ARID1B: variants seen among roughly 807,000 people sequenced by gnomAD.
ARID1B encodes AT-rich interaction domain 1B.
Under a neutral mutation model 212.3 loss-of-function variants are expected in ARID1B, and 30 were observed. That is an observed-to-expected ratio of 0.14 (90% CI 0.11 to 0.19). ARID1B has a LOEUF of 0.19. ARID1B is among the 10% of genes least tolerant of loss of function. The probability of loss-of-function intolerance (pLI) is 1.00; values close to 1 mark genes in which losing one functional copy is unlikely to be tolerated. For missense variants in ARID1B, 2,891 were observed against 3,204.0 expected (o/e 0.90, Z 2.36); for synonymous variants, 1,402 against 1,301.7 (o/e 1.08, Z -1.66).
chr6:157,074,516 TG>T (rs1403319739), intron 4 of ARID1B, among the ~76,000 whole-genome samples: 1 of 152,182 alleles, frequency 6.6e-6, no homozygotes, highest in Non-Finnish European at 1.5e-5. Context: ...TGAGACACCA[TG>T]CCCGGCCAAT....
At chr6:156,969,909 T>G (rs1776804969) in intron 4 of ARID1B, among the ~76,000 whole-genome samples, 2 of 118,504 alleles carry the variant, frequency 1.7e-5, no homozygotes, top group African/African-American at 6.6e-5. Context: ...TTTTTTTTTT[T>G]GCATTGACTG....
At chr6:157,130,752 A>T (rs561767499) in intron 6 of ARID1B, among the ~76,000 whole-genome samples, 1 of 152,196 alleles carries the variant, frequency 6.6e-6, no homozygotes, top group East Asian at 1.9e-4. Context: ...TAGATCTGGG[A>T]TTATCTTACC....
At position 157,166,876 on chromosome 6, in the gene ARID1B, A is replaced by G. The variant is rs971838111; in HGVS notation, c.3090-164A>G. 44 of 909,130 alleles carry G rather than the reference A, an allele frequency of 4.8e-5. 1 individual carries two copies. Among genetic ancestry groups the G allele is most frequent in the Non-Finnish European group, 6.9e-5 (43 of 619,776 alleles). The allele number at this position is 909,130 out of a possible 1,614,324, so 56.3% of individuals were successfully genotyped here. On this transcript the variant is annotated intron_variant, in intron 8 of 19. Coordinates refer to ENST00000636930, the MANE Select transcript of ARID1B (RefSeq NM_001374828.1). ...GGGGTGTATTAAAGAGTTACCTAGC[A>G]ATAGAATTCAGCCTTTCTCTCCAGG... is the stretch of plus-strand genomic sequence containing the variant.
chr6:156,809,798 T>C (rs1160460030), intron 1 of ARID1B, among the ~76,000 whole-genome samples: 1 of 151,078 alleles, frequency 6.6e-6, no homozygotes, highest in Admixed American at 6.6e-5. Context: ...GTCTGGTGGC[T>C]GAGGGCCACC....
intron 1 of ARID1B, among the ~76,000 whole-genome samples, chr6:156,816,732 C>T (rs11970153): frequency 0.045 from 6,774 of 152,188 alleles, 506 homozygotes; most frequent in African/African-American, 0.15. Flanking sequence ...GCTCAGGCAT[C>T]GGCTTGGTGG....
At chr6:157,184,507 G>T in intron 13 of ARID1B, 72 bp downstream of exon 13, 1 of 1,565,848 alleles carries the variant, frequency 6.4e-7, no homozygotes, top group East Asian at 2.3e-5. Flanking sequence ...CGGGAAGGTG[G>T]TTTCACAGTC....
chr6:156,905,382 C>G (rs1021193757), intron 3 of ARID1B, among the ~76,000 whole-genome samples: 1 of 152,082 alleles, frequency 6.6e-6, no homozygotes, highest in Non-Finnish European at 1.5e-5. Flanking sequence ...CTGATGAAGT[C>G]AAAGACAGCT....
At chr6:156,910,728 C>A (rs572716869) in intron 3 of ARID1B, among the ~76,000 whole-genome samples, 1 of 152,258 alleles carries the variant, frequency 6.6e-6, no homozygotes, top group East Asian at 1.9e-4. Context: ...CTGGTAGTTT[C>A]ATGTTTTCTA....
intron 1 of ARID1B, among the ~76,000 whole-genome samples, chr6:156,784,598 G>A (rs1001871431): frequency 6.6e-6 from 1 of 152,182 alleles, no homozygotes; most frequent in Admixed American, 6.5e-5. Context: ...TGAATGGAAT[G>A]ATAGACATAT....
chr6:156,832,293 C>CA (rs1461026495), intron 2 of ARID1B, among the ~76,000 whole-genome samples: 1 of 152,184 alleles, frequency 6.6e-6, no homozygotes, highest in African/African-American at 2.4e-5. Flanking sequence ...AGGGTCCTGG[C>CA]ACTGTGATTG....
At position 157,206,079 on chromosome 6, in the gene ARID1B, G is replaced by T. The variant is rs1685629527; in HGVS notation, c.5395-88G>T. On this transcript the variant is annotated intron_variant, in intron 19 of 19. Coordinates refer to ENST00000636930, the MANE Select transcript of ARID1B (RefSeq NM_001374828.1). The surrounding 1 kb of genome is among the most constrained non-coding windows in gnomAD (Gnocchi z 6.8). ...TGACAATGATGGAAAGGTATTGACG[G>T]GTCTCAGGATCTTTACCCTCCTCGG... 1 of 1,376,712 alleles carries T rather than the reference G, an allele frequency of 7.3e-7. No homozygotes were observed. Among genetic ancestry groups the T allele is most frequent in the African/African-American group, 1.4e-5 (1 of 69,262 alleles). The allele number at this position is 1,376,712 out of a possible 1,614,324, so 85.3% of individuals were successfully genotyped here. A position where few individuals can be genotyped will look rare whatever the true frequency, so the allele number is the denominator to read the frequency against.
intron 4 of ARID1B, among the ~76,000 whole-genome samples, chr6:157,081,988 C>CT (rs1205211926): frequency 6.6e-6 from 1 of 152,084 alleles, no homozygotes; most frequent in Non-Finnish European, 1.5e-5. Flanking sequence ...TGTTCTCTGA[C>CT]TGCCGCTTGT....
At chr6:156,795,134 G>GCT (rs1780274640) in intron 1 of ARID1B, among the ~76,000 whole-genome samples, 1 of 77,486 alleles carries the variant, frequency 1.3e-5, no homozygotes, top group South Asian at 3.0e-4. Flanking sequence ...CAGCCATTTA[G>GCT]AGGAAAGCCT....
intron 4 of ARID1B, among the ~76,000 whole-genome samples, chr6:157,013,894 G>A (rs927586945): frequency 6.6e-5 from 10 of 152,132 alleles, no homozygotes; most frequent in Admixed American, 6.5e-4. Flanking sequence ...TCTTATACTC[G>A]GTGCTTTGCT....
chr6:156,779,487 GC>G lies in ARID1B; in HGVS notation c.1791+18del. On this transcript the variant is annotated intron_variant, in intron 1 of 19. Coordinates refer to ENST00000636930, the MANE Select transcript of ARID1B (RefSeq NM_001374828.1). ...CAGATCCCAGGTAACCCTCGCGCCA[GC>G]CGGGCCTGCTTCCGCCCGGCGGCCT... 7.4e-7 allele frequency: 1 copy of G among 1,349,364 alleles called. No individual in the cohort carries two copies. Among genetic ancestry groups the G allele is most frequent in the Admixed American group, 2.9e-5 (1 of 34,032 alleles). The allele number at this position is 1,349,364 out of a possible 1,614,324, so 83.6% of individuals were successfully genotyped here.
Position 157,149,183 on chromosome 6 carries a change from G to T in ARID1B, c.3089+232G>T, listed in dbSNP as rs1275286361. 12 of 539,702 alleles carry T rather than the reference G, an allele frequency of 2.2e-5. No individual in the cohort carries two copies. The Admixed American group carries it at 3.8e-4, about 17-fold the overall frequency. The allele number at this position is 539,702 out of a possible 1,614,324, so 33.4% of individuals were successfully genotyped here. ...AGGAATGTGAGCGGTGAGCACATCA[G>T]TCGTGGGAGGTGATTTGAAATGCCT... On this transcript the variant is annotated intron_variant, in intron 8 of 19. Coordinates refer to ENST00000636930, the MANE Select transcript of ARID1B (RefSeq NM_001374828.1).
chr6:157,138,826 C>T (rs967133820), intron 7 of ARID1B, among the ~76,000 whole-genome samples: 3 of 152,114 alleles, frequency 2.0e-5, no homozygotes, highest in Admixed American at 1.3e-4. Context: ...AGGATTAATT[C>T]CTTCTTCTAT....
rs1489645354 is a variant in ARID1B at position 157,203,693 on chromosome 6, A to G, written c.5264-173A>G. 5 of 824,812 alleles carry G rather than the reference A, an allele frequency of 6.1e-6. No homozygotes were observed. Among genetic ancestry groups the G allele is most frequent in the Admixed American group, 2.3e-5 (1 of 43,558 alleles). 51.1% of individuals were successfully genotyped at this position (824,812 alleles called of 1,614,324 possible). A position where few individuals can be genotyped will look rare whatever the true frequency, so the allele number is the denominator to read the frequency against. On this transcript the variant is annotated intron_variant, in intron 18 of 19. Coordinates refer to ENST00000636930, the MANE Select transcript of ARID1B (RefSeq NM_001374828.1). The surrounding 1 kb of genome is among the most constrained non-coding windows in gnomAD (Gnocchi z 4.4). ...ACCACAAAAGTTTCTCGTTACAGCT[A>G]TGGCCTCCATTTAAAATCGGAAATG...
intron 4 of ARID1B, among the ~76,000 whole-genome samples, chr6:157,073,732 T>TAC (rs1423664659): frequency 6.6e-6 from 1 of 152,232 alleles, no homozygotes; most frequent in Non-Finnish European, 1.5e-5. Flanking sequence ...GACCTGAGTT[T>TAC]ACACTGCTCT....
Sources: allele counts gnomAD v4.1 joint callset (sites outside exome capture counted in the v4.1 genomes callset), GRCh38; gene constraint gnomAD v4.1.1; non-coding constraint Gnocchi (gnomAD v3.1); transcripts MANE v1.5; gene names NCBI Gene and HGNC (gene_info 2026-07-23, HGNC 2026-07-21).